The following ANKS1B variants were observed in gnomAD, a reference collection of about 807,000 sequenced individuals.
ANKS1B encodes ankyrin repeat and sterile alpha motif domain-containing protein 1B.
ANKS1B carries 36 observed loss-of-function variants against 148.3 expected under a neutral mutation model. That is an observed-to-expected ratio of 0.24 (90% CI 0.19 to 0.32). The LOEUF is 0.32. ANKS1B is among the 10% of genes least tolerant of loss of function. The pLI is 1.00. For synonymous variants in ANKS1B, 542 were observed against 560.8 expected, an observed-to-expected ratio of 0.97 and a Z score of 0.47; for missense variants, 1,157 against 1,542.6, an observed-to-expected ratio of 0.75 and a Z score of 4.19.
chr12:99,718,120 G>A (rs2057628971), intron 8 of ANKS1B, among the ~76,000 whole-genome samples: 1 of 151,646 alleles, frequency 6.6e-6, no homozygotes. Context: ...AGCCAGGATG[G>A]TCTCGATCTG....
chr12:99,906,102 C>A (rs2093770189), intron 1 of ANKS1B, among the ~76,000 whole-genome samples: 1 of 152,100 alleles, frequency 6.6e-6, no homozygotes, highest in East Asian at 1.9e-4. Flanking sequence ...GGGTATGTTA[C>A]AAATTATGGG....
At chr12:99,769,594 T>G (rs575975528) in intron 8 of ANKS1B, among the ~76,000 whole-genome samples, 1 of 152,290 alleles carries the variant, frequency 6.6e-6, no homozygotes, top group South Asian at 2.1e-4. Flanking sequence ...GACAATAGAG[T>G]TGAGTGGCAA....
intron 15 of ANKS1B, among the ~76,000 whole-genome samples, chr12:99,111,893 T>C (rs2060361559): frequency 6.6e-6 from 1 of 152,126 alleles, no homozygotes; most frequent in Non-Finnish European, 1.5e-5. Flanking sequence ...ATTTTGACAA[T>C]AAGCTTCAGA....
At chr12:98,914,763 C>T (rs966167720) in intron 17 of ANKS1B, among the ~76,000 whole-genome samples, 3 of 152,112 alleles carry the variant, frequency 2.0e-5, no homozygotes, top group Admixed American at 1.3e-4. Context: ...CATGTATCTG[C>T]ATGGGTTGCT....
chr12:98,857,145 A>G (rs2099576024), intron 17 of ANKS1B, among the ~76,000 whole-genome samples: 1 of 152,198 alleles, frequency 6.6e-6, no homozygotes, highest in Non-Finnish European at 1.5e-5. Flanking sequence ...AAAGGACAAC[A>G]TGCCATGGAG....
intron 10 of ANKS1B, among the ~76,000 whole-genome samples, chr12:99,485,897 T>C (rs903592739): frequency 6.6e-6 from 1 of 152,182 alleles, no homozygotes; most frequent in South Asian, 2.1e-4. Flanking sequence ...TTCTGGATGA[T>C]ATCTATCTCT....
chr12:99,636,015 G>A (rs2098231808), intron 9 of ANKS1B, among the ~76,000 whole-genome samples: 1 of 152,024 alleles, frequency 6.6e-6, no homozygotes, highest in African/African-American at 2.4e-5. Context: ...GAAGCTTTAA[G>A]TAAATACACA....
At chr12:99,920,512 T>C (rs2094319229) in intron 1 of ANKS1B, among the ~76,000 whole-genome samples, 1 of 152,066 alleles carries the variant, frequency 6.6e-6, no homozygotes, top group Non-Finnish European at 1.5e-5. Context: ...TATATACATA[T>C]ATGGAGATTT....
At chr12:98,857,900 T>C (rs1373484184) in intron 17 of ANKS1B, among the ~76,000 whole-genome samples, 1 of 152,242 alleles carries the variant, frequency 6.6e-6, no homozygotes, top group African/African-American at 2.4e-5. Flanking sequence ...TATTAACTGC[T>C]TGACAAAGAA....
intron 11 of ANKS1B, among the ~76,000 whole-genome samples, chr12:99,403,059 C>T (rs1468747589): frequency 7.0e-6 from 1 of 142,834 alleles, no homozygotes; most frequent in Non-Finnish European, 1.5e-5. Flanking sequence ...GTTTGAATTA[C>T]TCTAATGATC....
intron 9 of ANKS1B, among the ~76,000 whole-genome samples, chr12:99,562,068 T>A (rs543773320): frequency 1.6e-4 from 24 of 152,336 alleles, no homozygotes; most frequent in African/African-American, 5.8e-4. Flanking sequence ...CTAATATCCT[T>A]GTACATTTCC....
intron 16 of ANKS1B, among the ~76,000 whole-genome samples, chr12:99,065,333 T>C (rs1421106219): frequency 2.0e-5 from 3 of 152,194 alleles, no homozygotes; most frequent in Non-Finnish European, 2.9e-5. Flanking sequence ...GCCCTGAATG[T>C]CAATTCTATT....
At chr12:99,910,428 T>C (rs1200060806) in intron 1 of ANKS1B, among the ~76,000 whole-genome samples, 3 of 145,298 alleles carry the variant, frequency 2.1e-5, no homozygotes, top group Admixed American at 6.8e-5. Flanking sequence ...TCTGAAAACA[T>C]GCTAAGTGAA....
chr12:99,043,060 C>T (rs2099960111), intron 17 of ANKS1B, among the ~76,000 whole-genome samples: 2 of 152,184 alleles, frequency 1.3e-5, no homozygotes, highest in Non-Finnish European at 2.9e-5. Context: ...TGGTTGTCTT[C>T]CGCATTAATC....
chr12:99,030,827 C>T (rs1001115354), intron 17 of ANKS1B, among the ~76,000 whole-genome samples: 2 of 152,144 alleles, frequency 1.3e-5, no homozygotes, highest in Non-Finnish European at 2.9e-5. Context: ...CCCTACCACT[C>T]CCATTGATTT....
At chr12:99,276,329 G>A (rs763797146) in intron 12 of ANKS1B, among the ~76,000 whole-genome samples, 2 of 152,090 alleles carry the variant, frequency 1.3e-5, no homozygotes, top group Non-Finnish European at 2.9e-5. Flanking sequence ...ACTGTATTTG[G>A]ATATAGGCCC....
chr12:98,989,958 GAAAAT>G (rs894807473), intron 17 of ANKS1B, among the ~76,000 whole-genome samples: 1 of 141,390 alleles, frequency 7.1e-6, no homozygotes, highest in African/African-American at 2.6e-5. Flanking sequence ...AAGAAGGAAA[GAAAAT>G]AAAAAAAAGA....
At position 99,596,720 on chromosome 12, in the gene ANKS1B, T is replaced by C. The variant is rs145171466; in HGVS notation, c.1272+58347A>G. Among the ~76,000 whole-genome samples the C allele has an allele frequency of 1.2e-4, 19 of 152,114 alleles. No homozygotes were observed. In the East Asian group the frequency reaches 3.5e-3, roughly 28 times the overall value. ...GTGATTTTCTCATAATTAAAATGTT[T>C]ATTACCAAATCAGTTAATCCTATAT... is the stretch of plus-strand genomic sequence containing the variant. On this transcript the variant is annotated intron_variant, in intron 9 of 26. Transcript: ENST00000683438.
chr12:99,137,403 G>T (rs1248592245), intron 15 of ANKS1B, among the ~76,000 whole-genome samples: 2 of 152,114 alleles, frequency 1.3e-5, no homozygotes, highest in African/African-American at 2.4e-5. Context: ...GGGAGGTTCT[G>T]CACGAGTAAG....
Sources: gnomAD v4.1 joint callset for allele counts (sites outside exome capture counted in the v4.1 genomes callset) on GRCh38, gnomAD v4.1.1 for gene constraint, MANE v1.5 for transcripts, NCBI Gene and HGNC (gene_info 2026-07-23, HGNC 2026-07-21) for gene names.